The following PLCG2 variants were observed in gnomAD, a reference collection of about 807,000 sequenced individuals.
PLCG2 encodes the protein 1-phosphatidylinositol 4,5-bisphosphate phosphodiesterase gamma-2.
A neutral mutation model predicts 175.6 loss-of-function variants in PLCG2; 69 were observed. The observed-to-expected ratio is 0.39, with a 90% CI of 0.32 to 0.48. The LOEUF is 0.48. Ranked by LOEUF, PLCG2 falls within the 20% of genes least tolerant of loss-of-function variation. The pLI is 0.91. For missense variants in PLCG2, 1,798 were observed against 1,650.9 expected (o/e 1.09, Z -1.54); for synonymous variants, 827 against 624.0 (o/e 1.33, Z -4.85).
intron 19 of PLCG2, among the ~76,000 whole-genome samples, chr16:81,917,410 C>T (rs530748584): frequency 1.3e-5 from 2 of 152,038 alleles, no homozygotes; most frequent in African/African-American, 2.4e-5. Flanking sequence ...AGATATATAC[C>T]GAGAAGTGGG....
chr16:81,885,392 G>A (rs921585421), intron 9 of PLCG2, among the ~76,000 whole-genome samples: 1 of 152,082 alleles, frequency 6.6e-6, no homozygotes, highest in African/African-American at 2.4e-5. Flanking sequence ...TCCAACTCCT[G>A]GGCTCAAGTG....
At chr16:81,803,558 C>CTTCCTTTCCTTTCCTTTCCTTTCCT (rs61092853) in intron 2 of PLCG2, among the ~76,000 whole-genome samples, 1,504 of 132,490 alleles carry the variant, frequency 0.011, 28 homozygotes, top group African/African-American at 0.033. Context: ...CCTTTCTTTC[C>CTTCCTTTCCTTTCCTTTCCTTTCCT]TTCCTTTCCT....
At chr16:81,777,343 A>G (rs550050360), upstream of PLCG2, among the ~76,000 whole-genome samples, 6 of 152,110 alleles carry the variant, frequency 3.9e-5, no homozygotes, top group Admixed American at 3.9e-4. Flanking sequence ...TTATACATAT[A>G]TATGACTGAA....
intron 20 of PLCG2, among the ~76,000 whole-genome samples, chr16:81,919,922 G>C (rs979395068): frequency 1.3e-5 from 2 of 152,148 alleles, no homozygotes; most frequent in Non-Finnish European, 2.9e-5. Flanking sequence ...AAAAACACTG[G>C]GCAGGTGGAT....
chr16:81,843,724 A>AG (rs1905957058), intron 2 of PLCG2, among the ~76,000 whole-genome samples: 1 of 152,218 alleles, frequency 6.6e-6, no homozygotes, highest in Non-Finnish European at 1.5e-5. Flanking sequence ...AATGGAAAAA[A>AG]CAATGAAATG....
chr16:81,769,105 G>A (rs1910216469), intron 2 of PLCG2, among the ~76,000 whole-genome samples: 1 of 152,172 alleles, frequency 6.6e-6, no homozygotes, highest in South Asian at 2.1e-4. Context: ...GGGTTCTATT[G>A]AAACAGTGCT....
chr16:81,939,616 C>A (rs1195382870), intron 29 of PLCG2, among the ~76,000 whole-genome samples: 1 of 152,152 alleles, frequency 6.6e-6, no homozygotes, highest in Non-Finnish European at 1.5e-5. Context: ...ACAAACACCT[C>A]CCCCGTTCCC....
chr16:81,934,251 CAGTG>C (rs1487771396), intron 25 of PLCG2, among the ~76,000 whole-genome samples, 174 bp from the exon 26 acceptor site: 1 of 152,156 alleles, frequency 6.6e-6, no homozygotes, highest in African/African-American at 2.4e-5. Flanking sequence ...AGAATTTTCA[CAGTG>C]AGAGGAAGAA....
At chr16:81,852,105 C>G (rs12922444) in intron 2 of PLCG2, 31,309 of 152,162 alleles carry the variant, frequency 0.21, 3,318 homozygotes, top group Middle Eastern at 0.26. Context: ...ACTCTCATCT[C>G]CAGGAGTGCT....
intron 13 of PLCG2, among the ~76,000 whole-genome samples, chr16:81,897,508 G>C (rs774905052): frequency 1.5e-4 from 23 of 151,682 alleles, no homozygotes; most frequent in Non-Finnish European, 2.5e-4. Flanking sequence ...GAGTCAATAA[G>C]ATCGATTATT....
intron 21 of PLCG2, 114 bp downstream of exon 21, chr16:81,921,383 C>G (rs1439515610): frequency 1.3e-6 from 1 of 759,112 alleles, no homozygotes; most frequent in Non-Finnish European, 2.4e-6. Context: ...GAAAACCTGG[C>G]CAAAATAATT....
At chr16:81,762,069 A>G (rs972794173) in intron 2 of PLCG2, among the ~76,000 whole-genome samples, 3 of 151,898 alleles carry the variant, frequency 2.0e-5, no homozygotes, top group African/African-American at 7.2e-5. Flanking sequence ...TCCTGACCTC[A>G]GGTGACCTGT....
chr16:81,770,344 A>G (rs1910250645), intron 2 of PLCG2, among the ~76,000 whole-genome samples: 1 of 152,236 alleles, frequency 6.6e-6, no homozygotes, highest in Non-Finnish European at 1.5e-5. Context: ...AGACATGCAT[A>G]GTAAAGAATA....
rs146161780 is a variant in PLCG2, at chr16:81,936,598, TGTAA to T, written c.3052+227_3052+230del. 6.8e-3 allele frequency among the ~76,000 whole-genome samples: 1,040 copies of T among 152,314 alleles called. 14 individuals are homozygous for T. Among genetic ancestry groups the T allele is most frequent in the African/African-American group, 0.024 (999 of 41,564 alleles). On this transcript the variant is annotated intron_variant, in intron 27 of 32. Coordinates refer to ENST00000564138, the MANE Select transcript of PLCG2 (RefSeq NM_002661.5). ...GCTTGGCTTACGCAGGCTTCGTGAT[TGTAA>T]GTAAGTGACAGAGGCTGAGTTAGTC... is the stretch of plus-strand genomic sequence containing the variant.
intron 13 of PLCG2, among the ~76,000 whole-genome samples, chr16:81,897,528 T>TTTTTC (rs1265060825): frequency 9.4e-5 from 14 of 148,608 alleles, no homozygotes; most frequent in East Asian, 6.0e-4. Context: ...TTTTTCTCTT[T>TTTTTC]TTTTCTTTTC....
intron 26 of PLCG2, among the ~76,000 whole-genome samples, chr16:81,934,919 A>T (rs1255556008): frequency 1.3e-5 from 2 of 152,174 alleles, no homozygotes; most frequent in Admixed American, 1.3e-4. Flanking sequence ...CAACAACGGT[A>T]CAGGGGAAAC....
intron 9 of PLCG2, among the ~76,000 whole-genome samples, chr16:81,885,713 A>G (rs1908328297): frequency 6.6e-6 from 1 of 152,142 alleles, no homozygotes; most frequent in Non-Finnish European, 1.5e-5. Context: ...CCCAGCCTGC[A>G]TTTGGATTTC....
intron 28 of PLCG2, 26 bp from the exon 29 acceptor site, chr16:81,938,775 T>A (rs758370251): frequency 6.9e-7 from 1 of 1,459,318 alleles, no homozygotes; most frequent in Non-Finnish European, 9.6e-7. Flanking sequence ...CCAGGGGGGT[T>A]CCAATGCTTC....
At chr16:81,847,636 C>T (rs1016895046) in intron 2 of PLCG2, among the ~76,000 whole-genome samples, 2 of 152,048 alleles carry the variant, frequency 1.3e-5, no homozygotes, top group Non-Finnish European at 2.9e-5. Context: ...GTGGATTCTG[C>T]GTCTGCGGAT....
Sources: gnomAD v4.1 joint callset for allele counts (sites outside exome capture counted in the v4.1 genomes callset) on GRCh38, gnomAD v4.1.1 for gene constraint, MANE v1.5 for transcripts, NCBI Gene and HGNC (gene_info 2026-07-23, HGNC 2026-07-21) for gene names.